Variants in FCGR2A observed in about 807,000 individuals in gnomAD.
FCGR2A encodes Fc gamma receptor IIa.
A neutral mutation model predicts 29.3 loss-of-function variants in FCGR2A; 18 were observed. The ratio of observed to expected loss-of-function variants is 0.62; its 90% CI spans 0.43 to 0.91. FCGR2A has a LOEUF of 0.91. Among genes scored for constraint, FCGR2A ranks in the 40% least tolerant of loss-of-function variants. The pLI, the probability that FCGR2A is intolerant of heterozygous loss-of-function variation, is 0.00. For synonymous variants in FCGR2A, 126 were observed against 144.8 expected, an observed-to-expected ratio of 0.87 and a Z score of 0.93; for missense variants, 287 against 393.0, an observed-to-expected ratio of 0.73 and a Z score of 2.28.
chr1:161,510,791 A>G (rs1239439003), intron 4 of FCGR2A, 43 bp from the exon 5 acceptor site: 1 of 1,611,136 alleles, frequency 6.2e-7, no homozygotes, highest in African/African-American at 1.3e-5. Flanking sequence ...GTTGTCATTA[A>G]AATAGTAACC....
At chr1:161,523,853 G>A (rs913385903), downstream of FCGR2A, 9 of 151,982 alleles carry the variant, frequency 5.9e-5, no homozygotes, top group Middle Eastern at 3.4e-3. Flanking sequence ...AAAGTGCATT[G>A]GCCGGGAATC....
chr1:161,505,542 G>T lies in FCGR2A; in HGVS notation c.75G>T (p.Leu25Phe), dbSNP rs752613385. ...NLWLLQPLTV[L>F]LLLASADSQA... ...GGCTGCTTCAACCATTGACAGTTTT[G>T]CTGCTGCTGGGTGAGTGAGGGTCAT... The change falls in exon 1 of 7, where the codon TTG becomes TTT. Residue 25 changes from leucine to phenylalanine, a missense_variant. Leu to Phe is a conservative substitution (Grantham distance 22). Coordinates refer to ENST00000271450, the MANE Select transcript of FCGR2A (RefSeq NM_001136219.3). 1.1e-5 allele frequency: 18 copies of T among 1,613,664 alleles called. No homozygotes were observed. In the South Asian group the frequency reaches 1.9e-4, roughly 17 times the overall value.
intron 6 of FCGR2A, chr1:161,514,870 C>T (rs1676050008): frequency 6.6e-6 from 1 of 151,708 alleles, no homozygotes; most frequent in African/African-American, 2.4e-5. Flanking sequence ...AGTTGGAGTC[C>T]TCAGGTAGGT....
downstream of FCGR2A, chr1:161,523,897 C>A (rs997573368): frequency 6.6e-6 from 1 of 152,106 alleles, no homozygotes; most frequent in African/African-American, 2.4e-5. Context: ...GGCGAGAATT[C>A]TACCACTGAA....
At chr1:161,512,743 A>G (rs1675886486) in intron 5 of FCGR2A, among the ~76,000 whole-genome samples, 1 of 152,212 alleles carries the variant, frequency 6.6e-6, no homozygotes, top group Admixed American at 6.5e-5. Context: ...AGCAGAGCCA[A>G]CAGATTTAAG....
Position 161,510,859 on chromosome 1 carries a change from A to G in FCGR2A, c.645A>G (p.Pro215=), listed in dbSNP as rs11810143. The change falls in exon 5 of 7, where the codon CCA becomes CCG. Residue 215 remains proline (P), a synonymous_variant. Coordinates refer to ENST00000271450, the MANE Select transcript of FCGR2A (RefSeq NM_001136219.3). ...TGCCCAGCATGGGCAGCTCTTCACC[A>G]ATGGGGATCATTGTGGCTGTGGTCA... ...VQVPSMGSSS[P]MGIIVAVVIA... 179,616 of 1,614,006 alleles carry G rather than the reference A, an allele frequency of 0.11. 11,351 individuals are homozygous for G. The highest frequency in any genetic ancestry group is 0.19 in the Middle Eastern group (1,146 of 6,060).
In FCGR2A at chr1:161,509,946, A is replaced by T. The variant is rs781127278; in HGVS notation, c.491A>T (p.Lys164Ile). 6.2e-7 allele frequency: 1 copy of T among 1,614,028 alleles called. No individual in the cohort carries two copies. The highest frequency in any genetic ancestry group is 1.1e-5 in the South Asian group (1 of 91,078). The change falls in exon 4 of 7, where the codon AAA becomes ATA. Residue 164 changes from lysine to isoleucine, a missense_variant. Lys to Ile is a moderately radical substitution (Grantham distance 102, BLOSUM62 -3). Around this residue, in one of 3 missense-constraint regions of FCGR2A, gnomAD observed 181 missense variants for 250.9 expected, o/e 0.72. Coordinates refer to ENST00000271450, the MANE Select transcript of FCGR2A (RefSeq NM_001136219.3). ...TTCTTCCAGAATGGAAAATCCCAGA[A>T]ATTCTCCCATTTGGATCCCACCTTC... ...VTFFQNGKSQ[K>I]FSHLDPTFSI...
intron 6 of FCGR2A, among the ~76,000 whole-genome samples, chr1:161,516,335 T>A (rs1302073689): frequency 6.6e-6 from 1 of 152,094 alleles, no homozygotes; most frequent in East Asian, 1.9e-4. Context: ...TATTAAGTAT[T>A]TTTATTTTCA....
At chr1:161,509,467 A>G (rs1252521717) in intron 3 of FCGR2A, among the ~76,000 whole-genome samples, 1 of 152,146 alleles carries the variant, frequency 6.6e-6, no homozygotes, top group Non-Finnish European at 1.5e-5. Flanking sequence ...ATTTACCATT[A>G]AATTAGTAAT....
chr1:161,522,136 G>C (rs1676477866), downstream of FCGR2A, among the ~76,000 whole-genome samples: 1 of 152,070 alleles, frequency 6.6e-6, no homozygotes, highest in African/African-American at 2.4e-5. Flanking sequence ...ACGAGTTCAA[G>C]GCTGCAGTGA....
intron 6 of FCGR2A, among the ~76,000 whole-genome samples, chr1:161,515,318 AAAATT>A (rs1676081778): frequency 1.3e-5 from 2 of 152,244 alleles, no homozygotes; most frequent in African/African-American, 2.4e-5. Flanking sequence ...ACGTCCTTAA[AAAATT>A]AGATCCTCAA....
chr1:161,512,041 G>C (rs183532899), intron 5 of FCGR2A, among the ~76,000 whole-genome samples: 180 of 152,350 alleles, frequency 1.2e-3, no homozygotes, highest in African/African-American at 4.2e-3. Context: ...ACCAGTCCCA[G>C]ATACAGAGGA....
At chr1:161,523,984 A>C (rs1676575640), downstream of FCGR2A, 1 of 155,174 alleles carries the variant, frequency 6.4e-6, no homozygotes, top group South Asian at 2.0e-4. Context: ...TCACTAAGGA[A>C]CCAGGCACCG....
rs1424231556 is a variant in FCGR2A, at chr1:161,517,042, C to T, written c.781-933C>T. 2.1e-5 allele frequency among the ~76,000 whole-genome samples: 3 copies of T among 142,600 alleles called. No individual in the cohort carries two copies. In the East Asian group the frequency reaches 6.0e-4, roughly 29 times the overall value. The allele number at this position is 142,600 out of a possible 152,430, so 93.6% of individuals were successfully genotyped here. On this transcript the variant is annotated intron_variant, in intron 6 of 6. Transcript: ENST00000271450. ...CACATCACATTGCAACTGCTATCTT[C>T]AGTCTACCATTTAAACTTGCCTCAA...
intron 3 of FCGR2A, 26 bp downstream of exon 3, chr1:161,506,617 G>C (rs1675425000): frequency 3.4e-5 from 55 of 1,613,448 alleles, no homozygotes; most frequent in Non-Finnish European, 4.2e-5. Flanking sequence ...CCCCAGGGTG[G>C]ACCTGGGAGG....
intron 3 of FCGR2A, among the ~76,000 whole-genome samples, chr1:161,507,943 G>A (rs1277951735): frequency 8.6e-5 from 13 of 151,796 alleles, no homozygotes; most frequent in Non-Finnish European, 1.2e-4. Flanking sequence ...AAAATTAGCC[G>A]GGCATGGTGG....
chr1:161,512,616 G>C (rs879779092), intron 5 of FCGR2A, among the ~76,000 whole-genome samples: 2 of 150,382 alleles, frequency 1.3e-5, no homozygotes, highest in Non-Finnish European at 1.5e-5. Context: ...CCAGACTGTA[G>C]TTAAAGTCAG....
chr1:161,517,264 A>G (rs1169091540), intron 6 of FCGR2A, among the ~76,000 whole-genome samples: 2 of 152,098 alleles, frequency 1.3e-5, no homozygotes, highest in African/African-American at 4.8e-5. Context: ...CAGCTTAACA[A>G]GGAGGAGCTT....
Position 161,510,970 on chromosome 1 carries a change from C to T in FCGR2A, c.742+14C>T. 4 of 1,614,086 alleles carry T rather than the reference C, an allele frequency of 2.5e-6. No homozygotes were observed. In the South Asian group the frequency reaches 4.4e-5, roughly 18 times the overall value. The stretch of plus-strand genomic sequence containing the variant: ...AGCGGATTTCAGGTTTGTAGCTCCT[C>T]CCAGTCCCTTTTGTTATCAGTTTCC... On this transcript the variant is annotated intron_variant, in intron 5 of 6. Coordinates refer to ENST00000271450, the MANE Select transcript of FCGR2A (RefSeq NM_001136219.3).
Sources: gnomAD v4.1 joint callset for allele counts (sites outside exome capture counted in the v4.1 genomes callset) on GRCh38, gnomAD v4.1.1 for gene constraint, gnomAD v4.1.1 regional missense constraint, MANE v1.5 for transcripts, NCBI Gene and HGNC (gene_info 2026-07-23, HGNC 2026-07-21) for gene names.